Variants in XYLT1 observed in about 807,000 individuals in gnomAD.
XYLT1 encodes the protein xylosyltransferase 1.
In XYLT1, 36 loss-of-function variants were observed where a neutral mutation model predicts 91.3. That is an observed-to-expected ratio of 0.39 (90% CI 0.30 to 0.52). XYLT1 has a LOEUF of 0.52. Ranked by LOEUF, XYLT1 falls within the 20% of genes least tolerant of loss-of-function variation. XYLT1 has a pLI of 0.68. For missense variants in XYLT1, 1,242 were observed against 1,284.5 expected, an observed-to-expected ratio of 0.97 and a Z score of 0.51; for synonymous variants, 588 against 532.0, an observed-to-expected ratio of 1.11 and a Z score of -1.45.
intron 5 of XYLT1, among the ~76,000 whole-genome samples, chr16:17,170,457 G>C (rs1446112915): frequency 6.6e-6 from 1 of 152,138 alleles, no homozygotes; most frequent in Non-Finnish European, 1.5e-5. Flanking sequence ...CCATTTCACT[G>C]TAGCCCACGG....
At chr16:17,242,487 A>G in intron 3 of XYLT1, among the ~76,000 whole-genome samples, 1 of 152,174 alleles carries the variant, frequency 6.6e-6, no homozygotes, top group East Asian at 1.9e-4. Flanking sequence ...ACTTATCTGG[A>G]ACAAATCATC....
At chr16:17,285,649 C>G (rs1024574280) in intron 2 of XYLT1, among the ~76,000 whole-genome samples, 2 of 152,176 alleles carry the variant, frequency 1.3e-5, no homozygotes, top group Non-Finnish European at 2.9e-5. Flanking sequence ...GGCCCTTCAC[C>G]CCTCACCCTG....
chr16:17,334,503 T>A (rs550497791), intron 2 of XYLT1, among the ~76,000 whole-genome samples: 1 of 149,912 alleles, frequency 6.7e-6, no homozygotes, highest in Admixed American at 6.8e-5. Context: ...TCCACCTAAA[T>A]GATGAATTCA....
At chr16:17,308,234 G>A (rs60301325) in intron 2 of XYLT1, among the ~76,000 whole-genome samples, 1 of 152,196 alleles carries the variant, frequency 6.6e-6, no homozygotes, top group Non-Finnish European at 1.5e-5. Flanking sequence ...TCTGTTGGGT[G>A]AGAGACCAGG....
chr16:17,366,482 G>A (rs2035455913), intron 1 of XYLT1, among the ~76,000 whole-genome samples: 1 of 152,206 alleles, frequency 6.6e-6, no homozygotes, highest in African/African-American at 2.4e-5. Context: ...ATCACTTGCG[G>A]TCAGGAGGTC....
chr16:17,438,231 A>T (rs998999353), intron 1 of XYLT1, among the ~76,000 whole-genome samples: 3 of 152,196 alleles, frequency 2.0e-5, no homozygotes, highest in Admixed American at 6.5e-5. Flanking sequence ...AACAGGAAGA[A>T]GATGATGATG....
intron 2 of XYLT1, among the ~76,000 whole-genome samples, chr16:17,357,124 C>T (rs1367547125): frequency 7.3e-6 from 1 of 136,272 alleles, no homozygotes; most frequent in African/African-American, 2.8e-5. Flanking sequence ...TTGCAGTAAG[C>T]CGAGATCATG....
chr16:17,292,924 G>GGTCACT (rs2034253282), intron 2 of XYLT1, among the ~76,000 whole-genome samples: 1 of 152,118 alleles, frequency 6.6e-6, no homozygotes, highest in South Asian at 2.1e-4. Flanking sequence ...CAGTGGGCAG[G>GGTCACT]GTCACTGTGT....
chr16:17,370,089 G>A (rs1395255340), intron 1 of XYLT1, among the ~76,000 whole-genome samples: 2 of 152,156 alleles, frequency 1.3e-5, no homozygotes, highest in African/African-American at 4.8e-5. Flanking sequence ...GCCAGAGGAA[G>A]GGGGTCCAGG....
intron 3 of XYLT1, among the ~76,000 whole-genome samples, chr16:17,216,640 T>C (rs1421139080): frequency 1.3e-5 from 2 of 152,208 alleles, no homozygotes; most frequent in African/African-American, 2.4e-5. Context: ...CCAAGCCCTG[T>C]ACACATATCA....
chr16:17,149,990 G>A (rs922820773), intron 6 of XYLT1, among the ~76,000 whole-genome samples: 2 of 152,018 alleles, frequency 1.3e-5, no homozygotes, highest in Non-Finnish European at 2.9e-5. Flanking sequence ...CTCTCTTCTG[G>A]GATTTGGTAG....
chr16:17,420,241 T>C (rs570486297), intron 1 of XYLT1, among the ~76,000 whole-genome samples: 1 of 152,344 alleles, frequency 6.6e-6, no homozygotes, highest in African/African-American at 2.4e-5. Context: ...CATAATTTTT[T>C]AATTTCGTAT....
chr16:17,411,266 T>G (rs1218766029), intron 1 of XYLT1, among the ~76,000 whole-genome samples: 1 of 152,222 alleles, frequency 6.6e-6, no homozygotes, highest in Non-Finnish European at 1.5e-5. Flanking sequence ...CTATTGTTGA[T>G]GTTGATAATA....
chr16:17,233,058 C>T (rs1382448064), intron 3 of XYLT1, among the ~76,000 whole-genome samples: 2 of 152,128 alleles, frequency 1.3e-5, no homozygotes, highest in Non-Finnish European at 2.9e-5. Context: ...CTTCCCTTCA[C>T]CTGCCACATA....
intron 1 of XYLT1, among the ~76,000 whole-genome samples, chr16:17,429,690 A>G (rs2036365863): frequency 6.6e-6 from 1 of 152,224 alleles, no homozygotes; most frequent in Non-Finnish European, 1.5e-5. Flanking sequence ...ATCAGCCAGT[A>G]GATGGAGGGC....
intron 11 of XYLT1, 34 bp from the exon 12 acceptor site, chr16:17,109,051 A>G: frequency 1.3e-6 from 2 of 1,488,692 alleles, no homozygotes; most frequent in Non-Finnish European, 1.8e-6. Flanking sequence ...CAGGATCAGA[A>G]GAGCCACCAA....
At chr16:17,316,947 C>T (rs934244627) in intron 2 of XYLT1, among the ~76,000 whole-genome samples, 15 of 151,618 alleles carry the variant, frequency 9.9e-5, no homozygotes, top group African/African-American at 2.7e-4. Flanking sequence ...CTCAGCCTCC[C>T]GAGTAGCTGG....
intron 1 of XYLT1, among the ~76,000 whole-genome samples, chr16:17,464,766 C>T (rs1397156218): frequency 6.6e-6 from 1 of 151,964 alleles, no homozygotes; most frequent in East Asian, 1.9e-4. Context: ...AGTTAGGGGT[C>T]TGATTCAATA....
At chr16:17,467,596 C>G (rs957620425) in intron 1 of XYLT1, among the ~76,000 whole-genome samples, 3 of 152,200 alleles carry the variant, frequency 2.0e-5, no homozygotes, top group Non-Finnish European at 2.9e-5. Context: ...CTGACTCTGT[C>G]TACTTGAGAA....
Sources: allele counts gnomAD v4.1 joint callset (sites outside exome capture counted in the v4.1 genomes callset), GRCh38; gene constraint gnomAD v4.1.1; transcripts MANE v1.5; gene names NCBI Gene and HGNC (gene_info 2026-07-23, HGNC 2026-07-21).